HUWE1: variants seen among roughly 807,000 people sequenced by gnomAD.
HUWE1 encodes the protein HECT, UBA and WWE domain containing E3 ubiquitin protein ligase 1.
A neutral mutation model predicts 299.4 loss-of-function variants in HUWE1; 18 were observed. The observed-to-expected ratio is 0.06, with a 90% CI of 0.04 to 0.09. HUWE1 has a LOEUF of 0.09. Among genes scored for constraint, HUWE1 ranks in the 10% least tolerant of loss-of-function variants. HUWE1 has a pLI of 1.00. For synonymous variants in HUWE1, 1,317 were observed against 1,286.1 expected, an observed-to-expected ratio of 1.02 and a Z score of -0.51; for missense variants, 1,832 against 3,462.3, an observed-to-expected ratio of 0.53 and a Z score of 11.82.
chrX:53,583,356 G>C (rs2063716576), intron 42 of HUWE1, among the ~76,000 whole-genome samples: 1 of 109,778 alleles, frequency 9.1e-6, no homozygotes. Flanking sequence ...TTGCTGGAGA[G>C]GACTTTCTAG....
chrX:53,614,272 A>C (rs2065670234), intron 23 of HUWE1, among the ~76,000 whole-genome samples: 1 of 111,367 alleles, frequency 9.0e-6, no homozygotes, highest in Non-Finnish European at 1.9e-5. Flanking sequence ...TCTCAAAAAA[A>C]TCAATAAAAA....
chrX:53,598,937 T>C (rs1163954439), intron 29 of HUWE1, among the ~76,000 whole-genome samples: 2 of 112,723 alleles, frequency 1.8e-5, no homozygotes, highest in African/African-American at 3.2e-5. Flanking sequence ...TTCTTCTTCC[T>C]ATTACATCCA....
Position 53,595,210 on chromosome X carries a change from T to C in HUWE1, c.3357A>G (p.Pro1119=), listed in dbSNP as rs1569479683. The C allele has an allele frequency of 8.3e-7, 1 of 1,210,021 alleles. No homozygotes were observed. The highest frequency in any genetic ancestry group is 1.1e-6 in the Non-Finnish European group (1 of 894,318). ...ACCTGAATCGGGGAGTAGGTGTATA[T>C]GGTGGGGGCTGCCAAGATAACCCCT... ...LTKGLSWQPP[P]YTPTPRFRLT... is the part of the protein sequence containing the mutation. Residue 1119 remains proline, a synonymous_variant, in exon 30 of 84, where the codon CCA becomes CCG. Transcript: ENST00000262854.
At chrX:53,625,297 G>A (rs2066409201) in intron 17 of HUWE1, 39 bp from the exon 18 acceptor site, 2 of 928,759 alleles carry the variant, frequency 2.2e-6, no homozygotes, top group Non-Finnish European at 3.1e-6. Flanking sequence ...TGCTGAGTTC[G>A]CCATTAAACC....
intron 11 of HUWE1, 78 bp downstream of exon 11, chrX:53,631,336 A>G (rs1307150049): frequency 3.8e-6 from 3 of 797,723 alleles, no homozygotes; most frequent in African/African-American, 2.1e-5. Flanking sequence ...CTGCTATGCA[A>G]TCTCCCACCC....
intron 13 of HUWE1, 43 bp downstream of exon 13, chrX:53,629,473 C>T: frequency 1.1e-6 from 1 of 891,817 alleles, no homozygotes. Context: ...CTTCTGGTCC[C>T]AAGTGTTACA....
chrX:53,577,202 G>C (rs986247990), intron 43 of HUWE1, 135 bp from the exon 44 acceptor site: 1 of 516,867 alleles, frequency 1.9e-6, no homozygotes, highest in Non-Finnish European at 3.4e-6. Context: ...TAATGTTCAA[G>C]TACTCTACTA....
chrX:53,658,397 C>T (rs1184752476), intron 3 of HUWE1, among the ~76,000 whole-genome samples: 2 of 111,531 alleles, frequency 1.8e-5, no homozygotes, highest in African/African-American at 6.5e-5. Flanking sequence ...AAAAGATCCA[C>T]GATAGCCAAC....
At chrX:53,651,122 T>C (rs1557039753) in intron 4 of HUWE1, among the ~76,000 whole-genome samples, 2 of 110,540 alleles carry the variant, frequency 1.8e-5, no homozygotes, top group African/African-American at 6.6e-5. Flanking sequence ...TTCCCCAGCT[T>C]GTCATGTGTC....
rs139113402 is a variant in HUWE1 at position 53,656,404 on chromosome X, T to G, written c.-24-2273A>C. ...TAAAAAAAAATAAATTAGCCAGGCG[T>G]GGTGGCGAGCACCTGTAGTCCCAGC... is the stretch of plus-strand genomic sequence containing the variant. On this transcript the variant is annotated intron_variant, in intron 3 of 83. Transcript: ENST00000262854. 6.3e-3 allele frequency among the ~76,000 whole-genome samples: 668 copies of G among 105,271 alleles called. 4 individuals carry two copies. The highest frequency in any genetic ancestry group is 0.022 in the African/African-American group (633 of 28,328). 91.4% of individuals were successfully genotyped at this position (105,271 alleles called of 115,157 possible).
chrX:53,601,994 T>C lies in HUWE1; in HGVS notation c.2971+570A>G, dbSNP rs782193466. Among the ~76,000 whole-genome samples, 5 of 111,138 alleles carry C rather than the reference T, an allele frequency of 4.5e-5. No individual in the cohort carries two copies. In the East Asian group the frequency reaches 1.4e-3, roughly 31 times the overall value. ...AAAATTTGGAATTTTTATCATGAGA[T>C]AATATAAAAGCAATCTTCTTTATAA... On this transcript the variant is annotated intron_variant, in intron 28 of 83. Transcript: ENST00000262854.
chrX:53,553,231 C>T (rs2147348734), intron 61 of HUWE1, among the ~76,000 whole-genome samples: 1 of 109,647 alleles, frequency 9.1e-6, no homozygotes, highest in African/African-American at 3.3e-5. Context: ...GCAATCTCCG[C>T]CTCCTGGGTT....
chrX:53,586,941 C>A (rs782358176), intron 37 of HUWE1, 32 bp from the exon 38 acceptor site: 2 of 1,203,067 alleles, frequency 1.7e-6, no homozygotes, highest in South Asian at 3.5e-5. Flanking sequence ...ACAACAACAA[C>A]CAGATACCAA....
Position 53,546,493 on chromosome X carries a change from G to C in HUWE1, c.10858C>G (p.Leu3620Val). The change falls in exon 70 of 84, where the codon CTC (leucine) becomes GTC (valine). Residue 3620 changes from leucine to valine, a missense_variant. By Grantham distance (32) the Leu-to-Val change is conservative. Transcript: ENST00000262854. ...CGGGCTCCATTCAGTAGCAGCTTGA[G>C]AACAGTGTCCCGGGTCCCAGAGTCC... ...RGDSGTRDTVLKLLLNGARHL... is the reference protein window; with the variant it reads ...RGDSGTRDTVVKLLLNGARHL... 8.3e-7 allele frequency: 1 copy of C among 1,210,820 alleles called. No homozygotes were observed. Among genetic ancestry groups the C allele is most frequent in the Non-Finnish European group, 1.1e-6 (1 of 894,838 alleles).
chrX:53,600,523 A>G (rs1250428189), intron 28 of HUWE1, among the ~76,000 whole-genome samples: 1 of 112,698 alleles, frequency 8.9e-6, no homozygotes, highest in African/African-American at 3.2e-5. Flanking sequence ...AAATGACAGC[A>G]TATGAATAGT....
At chrX:53,564,960 A>G in intron 50 of HUWE1, 107 bp downstream of exon 50, 3 of 916,006 alleles carry the variant, frequency 3.3e-6, no homozygotes, top group Non-Finnish European at 4.8e-6. Context: ...GATCTCTGGA[A>G]GGCCAGCAAG....
At chrX:53,562,316 G>C in intron 53 of HUWE1, 72 bp from the exon 54 acceptor site, 1 of 1,146,220 alleles carries the variant, frequency 8.7e-7, no homozygotes, top group Non-Finnish European at 1.2e-6. Flanking sequence ...AGGCCAGCAG[G>C]CTGAGTGGGA....
intron 47 of HUWE1, among the ~76,000 whole-genome samples, chrX:53,571,031 C>T (rs1312175050): frequency 8.9e-6 from 1 of 112,166 alleles, no homozygotes; most frequent in Admixed American, 9.4e-5. Context: ...GGAATCATAG[C>T]CCTAGCTTCC....
chrX:53,609,709 T>C (rs2065341925), intron 23 of HUWE1, among the ~76,000 whole-genome samples: 1 of 112,140 alleles, frequency 8.9e-6, no homozygotes, highest in East Asian at 2.8e-4. Context: ...ACAAATACTT[T>C]AGAAAATGGA....
Sources: gnomAD v4.1 joint callset for allele counts (sites outside exome capture counted in the v4.1 genomes callset) on GRCh38, gnomAD v4.1.1 for gene constraint, MANE v1.5 for transcripts, NCBI Gene and HGNC (gene_info 2026-07-23, HGNC 2026-07-21) for gene names.